Variants in IDUA observed in about 807,000 individuals in gnomAD.
IDUA encodes the protein iduronidase alpha-L-.
Under a neutral mutation model 68.9 loss-of-function variants are expected in IDUA, and 65 were observed. The ratio of observed to expected loss-of-function variants is 0.94; its 90% CI spans 0.77 to 1.16. The LOEUF (loss-of-function observed/expected upper bound fraction) is 1.16. Among genes scored for constraint, IDUA ranks in the 50% most tolerant of loss-of-function variants. The probability of loss-of-function intolerance (pLI) is 0.00; values close to 1 mark genes in which losing one functional copy is unlikely to be tolerated. For missense variants in IDUA, 1,046 were observed against 938.0 expected (o/e 1.12, Z -1.50); for synonymous variants, 529 against 433.6 (o/e 1.22, Z -2.73).
chr4:1,002,067 C>G lies in IDUA; in HGVS notation c.878C>G (p.Thr293Ser). Residue 293 changes from threonine (T) to serine (S), a missense_variant, in exon 7 of 14, where the codon ACC becomes AGC. Coordinates refer to ENST00000514224, the MANE Select transcript of IDUA (RefSeq NM_000203.5). ...CAGCTCTTCCCCAAGTTCGCGGACA[C>G]CCCCATTTACAACGACGAGGCGGAC... ...IRQLFPKFAD[T>S]PIYNDEADPL... 3 of 1,593,234 alleles carry G rather than the reference C, an allele frequency of 1.9e-6. No homozygotes were observed. Among genetic ancestry groups the G allele is most frequent in the Non-Finnish European group, 2.6e-6 (3 of 1,171,450 alleles).
intron 2 of IDUA, chr4:989,653 G>GCCAGCAGCA (rs748561401): frequency 6.3e-6 from 10 of 1,588,534 alleles, no homozygotes; most frequent in South Asian, 1.1e-5. Flanking sequence ...CGGTGCCAGC[G>GCCAGCAGCA]CCAGCAGCAC....
intron 2 of IDUA, chr4:990,518 G>T (rs552158109): frequency 6.9e-6 from 5 of 724,708 alleles, no homozygotes; most frequent in South Asian, 5.7e-5. Flanking sequence ...CCTCACACGG[G>T]CCTGAGTTCT....
rs538040319 is a variant in IDUA at position 988,056 on chromosome 4, C to T, written c.299+107C>T. On this transcript the variant is annotated intron_variant, in intron 2 of 13. Transcript: ENST00000514224. ...AGACCCCTTGTTCCCCCACCTCCCG[C>T]CGAAGCACCCTGTTGGGGAGAGCGT... 1.8e-5 allele frequency: 27 copies of T among 1,474,924 alleles called. No individual in the cohort carries two copies. The East Asian group carries it at 5.2e-4, about 29-fold the overall frequency. The allele number at this position is 1,474,924 out of a possible 1,614,324, so 91.4% of individuals were successfully genotyped here.
Position 1,003,299 on chromosome 4 carries a change from T to C in IDUA, c.1525-46T>C, listed in dbSNP as rs780391439. 2.8e-4 allele frequency: 397 copies of C among 1,393,108 alleles called. 1 individual carries two copies. Among genetic ancestry groups the C allele is most frequent in the Non-Finnish European group, 3.5e-4 (379 of 1,083,368 alleles). 86.3% of individuals were successfully genotyped at this position (1,393,108 alleles called of 1,614,324 possible). On this transcript the variant is annotated intron_variant, in intron 10 of 13. Transcript: ENST00000514224. ...GTTCGCCCTGAGGTCGGGCCGAGCG[T>C]CCCCAGCTCCCCTGGAGAACCCTGA...
intron 2 of IDUA, chr4:992,628 C>T (rs908743574): frequency 2.2e-5 from 4 of 179,942 alleles, no homozygotes; most frequent in South Asian, 2.3e-4. Flanking sequence ...CACTGTGGAA[C>T]GGCCATGACA....
rs66808687 is a variant in IDUA, at chr4:999,014, C to T, written c.300-1598C>T. ...GGTCAGGAAATGGAAACCATCCTGGCTAACATGGTGAAACTCCGTCTCTAC... is the reference window on the plus strand; with the variant it reads ...GGTCAGGAAATGGAAACCATCCTGGTTAACATGGTGAAACTCCGTCTCTAC... On this transcript the variant is annotated intron_variant, in intron 2 of 13. Coordinates refer to ENST00000514224, the MANE Select transcript of IDUA (RefSeq NM_000203.5). 6.1e-3 allele frequency among the ~76,000 whole-genome samples: 921 copies of T among 152,038 alleles called. 9 individuals are homozygous for T. The highest frequency in any genetic ancestry group is 0.021 in the African/African-American group (875 of 41,482).
rs1362102709 is a variant in IDUA, at chr4:1,001,748, G to T, written c.659G>T (p.Gly220Val). 1 of 1,597,642 alleles carries T rather than the reference G, an allele frequency of 6.3e-7. No homozygotes were observed. The highest frequency in any genetic ancestry group is 1.1e-5 in the South Asian group (1 of 90,456). ...GCCAGCCCCGCCCTGCGGCTGGGAGGCCCCGGCGACTCCTTCCACACCCCA... is the reference window on the plus strand; with the variant it reads ...GCCAGCCCCGCCCTGCGGCTGGGAGTCCCCGGCGACTCCTTCCACACCCCA... ...RAASPALRLG[G>V]PGDSFHTPPR... The change falls in exon 6 of 14, where the codon GGC becomes GTC. Residue 220 changes from glycine to valine, a missense_variant. Gly to Val is a moderately radical substitution (Grantham distance 109, BLOSUM62 -3). Coordinates refer to ENST00000514224, the MANE Select transcript of IDUA (RefSeq NM_000203.5).
At chr4:990,447 G>A in intron 2 of IDUA, 1 of 1,325,566 alleles carries the variant, frequency 7.5e-7, no homozygotes, top group East Asian at 2.5e-5. Context: ...CCGAGGGGTG[G>A]TGGTCACGGC....
In IDUA at chr4:990,226, C is replaced by G. The variant is rs200857252; in HGVS notation, c.299+2277C>G. The G allele has an allele frequency of 6.4e-6, 10 of 1,570,052 alleles. 1 individual carries two copies. The South Asian group carries it at 1.2e-4, about 18-fold the overall frequency. ...GACCACCATGCCGGGCCCCTGGTGC[C>G]GCGGGATCCGCACGCCCAGCAGGTG... On this transcript the variant is annotated intron_variant, in intron 2 of 13. Transcript: ENST00000514224.
chr4:991,076 C>T, intron 2 of IDUA: 2 of 1,498,412 alleles, frequency 1.3e-6, no homozygotes, highest in Admixed American at 2.4e-5. Flanking sequence ...ATGGCCAAAA[C>T]CTAAGGGGGG....
chr4:1,001,771 C>T lies in IDUA; in HGVS notation c.682C>T (p.Pro228Ser), dbSNP rs775641597. 30 of 1,601,376 alleles carry T rather than the reference C, an allele frequency of 1.9e-5. No homozygotes were observed. Among genetic ancestry groups the T allele is most frequent in the Non-Finnish European group, 2.5e-5 (30 of 1,177,784 alleles). The change falls in exon 6 of 14, where the codon CCA (proline) becomes TCA (serine). Residue 228 changes from proline (P) to serine (S), a missense_variant. Transcript: ENST00000514224. ...LGGPGDSFHT[P>S]PRSPLSWGLL... ...AGGCCCCGGCGACTCCTTCCACACC[C>T]CACCGCGATCCCCGCTGAGCTGGGG...
rs752705868 is a variant in IDUA, at chr4:988,287, C to T, written c.299+338C>T. On this transcript the variant is annotated intron_variant, in intron 2 of 13. Coordinates refer to ENST00000514224, the MANE Select transcript of IDUA (RefSeq NM_000203.5). ...CCTGAGGGCTGAGCTGAGGTCTCAT[C>T]GGTCACAGCACCCTGGGCCCTGACG... 8.4e-5 allele frequency: 97 copies of T among 1,158,902 alleles called. 1 individual carries two copies. Among genetic ancestry groups the T allele is most frequent in the Non-Finnish European group, 9.2e-5 (86 of 935,218 alleles). The allele number at this position is 1,158,902 out of a possible 1,614,324, so 71.8% of individuals were successfully genotyped here.
At chr4:1,000,221 G>C (rs1275377572) in intron 2 of IDUA, among the ~76,000 whole-genome samples, 1 of 152,242 alleles carries the variant, frequency 6.6e-6, no homozygotes, top group Non-Finnish European at 1.5e-5. Context: ...GGGTGTGGGA[G>C]GGGAAATGGG....
chr4:994,975 G>A (rs1385001802), intron 2 of IDUA, among the ~76,000 whole-genome samples: 1 of 152,050 alleles, frequency 6.6e-6, no homozygotes, highest in Non-Finnish European at 1.5e-5. Flanking sequence ...TAAGGTAGGA[G>A]GATTGCTTGA....
chr4:990,302 C>T lies in IDUA; in HGVS notation c.299+2353C>T, dbSNP rs372848776. The T allele has an allele frequency of 3.5e-5, 56 of 1,604,606 alleles. 1 individual carries two copies. Among genetic ancestry groups the T allele is most frequent in the Middle Eastern group, 1.7e-4 (1 of 6,018 alleles). On this transcript the variant is annotated intron_variant, in intron 2 of 13. Transcript: ENST00000514224. Reference sequence around the variant, plus strand: ...ACGGAGGCCCCCATGGCAAAGCCATCGAGCAGTGGCTGTGAGAGGTAGGCG... The same window carrying T: ...ACGGAGGCCCCCATGGCAAAGCCATTGAGCAGTGGCTGTGAGAGGTAGGCG...
chr4:996,260 C>T (rs1176780754), intron 2 of IDUA, among the ~76,000 whole-genome samples: 1 of 152,152 alleles, frequency 6.6e-6, no homozygotes, highest in Non-Finnish European at 1.5e-5. Flanking sequence ...CAGGTCCCTC[C>T]CTGGGACAGA....
At chr4:991,161 G>A in intron 2 of IDUA, 1 of 1,561,074 alleles carries the variant, frequency 6.4e-7, no homozygotes, top group South Asian at 1.2e-5. Context: ...TGAGGGCGGT[G>A]GCGACACGGA....
At chr4:988,745 T>TC in intron 2 of IDUA, 1 of 1,434,592 alleles carries the variant, frequency 7.0e-7, no homozygotes. Context: ...GGGTGGCTCC[T>TC]CCCTGGGAAG....
Position 1,002,822 on chromosome 4 carries a change from C to A in IDUA, c.1280C>A (p.Pro427His). 1.4e-6 allele frequency: 2 copies of A among 1,457,254 alleles called. No homozygotes were observed. The highest frequency in any genetic ancestry group is 1.5e-5 in the African/African-American group (1 of 67,858). 90.3% of individuals were successfully genotyped at this position (1,457,254 alleles called of 1,614,324 possible). A position where few individuals can be genotyped will look rare whatever the true frequency, so the allele number is the denominator to read the frequency against. The change falls in exon 9 of 14, where the codon CCC becomes CAC. Residue 427 changes from proline to histidine, a missense_variant. Pro to His is a moderately conservative substitution (Grantham distance 77). Transcript: ENST00000514224. ...TVGVLASAHR[P>H]QGPADAWRAA... is the part of the protein sequence containing the mutation. Reference sequence around the variant, plus strand: ...GGCGTCCTGGCCAGCGCCCACCGCCCCCAGGGCCCGGCCGACGCCTGGCGC... The same window carrying A: ...GGCGTCCTGGCCAGCGCCCACCGCCACCAGGGCCCGGCCGACGCCTGGCGC...
Sources: allele counts gnomAD v4.1 joint callset (sites outside exome capture counted in the v4.1 genomes callset), GRCh38; gene constraint gnomAD v4.1.1; transcripts MANE v1.5; gene names NCBI Gene and HGNC (gene_info 2026-07-23, HGNC 2026-07-21).